The following TCF12 variants were observed in gnomAD, a reference collection of about 807,000 sequenced individuals.
The protein encoded by TCF12 is transcription factor 12.
In TCF12, 45 loss-of-function variants were observed where a neutral mutation model predicts 86.0. The ratio of observed to expected loss-of-function variants is 0.52; its 90% CI spans 0.41 to 0.67. TCF12 has a LOEUF of 0.67. Among genes scored for constraint, TCF12 ranks in the 30% least tolerant of loss-of-function variants. TCF12 has a pLI of 0.00. For missense variants in TCF12, 881 were observed against 859.9 expected (o/e 1.02, Z -0.31); for synonymous variants, 330 against 299.6 (o/e 1.10, Z -1.05).
intron 3 of TCF12, among the ~76,000 whole-genome samples, chr15:56,942,837 TA>T (rs1284946776): frequency 1.3e-5 from 2 of 152,182 alleles, no homozygotes; most frequent in African/African-American, 4.8e-5. Context: ...ATGAACGTAT[TA>T]TTTGCAGAGG....
At chr15:57,248,152 C>T (rs2059947058) in intron 13 of TCF12, 2 of 700,382 alleles carry the variant, frequency 2.9e-6, no homozygotes, top group Admixed American at 2.0e-5. Context: ...CCAGAAGCCT[C>T]TTAAACAGAT....
chr15:57,255,013 TTATC>T (rs1167550064), intron 16 of TCF12, among the ~76,000 whole-genome samples: 7 of 152,190 alleles, frequency 4.6e-5, no homozygotes, highest in African/African-American at 1.7e-4. Flanking sequence ...GAAATACTAT[TTATC>T]CTTATTTAGA....
rs1360554568 is a variant in TCF12, at chr15:57,289,442, C to A, written c.*3297C>A. 1 of 152,160 alleles carries A rather than the reference C, an allele frequency of 6.6e-6. No individual in the cohort carries two copies. Among genetic ancestry groups the A allele is most frequent in the Non-Finnish European group, 1.5e-5 (1 of 68,036 alleles). The allele number at this position is 152,160 out of a possible 1,614,324, so 9.4% of individuals were successfully genotyped here. On this transcript the variant is annotated 3_prime_UTR_variant, in exon 21 of 21. Transcript: ENST00000333725. ...CAGATCAAGACACTTAAAACTTTCC[C>A]TACAAAACCTCCCTGCCTTGACTTT...
At chr15:57,205,457 G>GT (rs1196265671) in intron 8 of TCF12, among the ~76,000 whole-genome samples, 3 of 152,164 alleles carry the variant, frequency 2.0e-5, no homozygotes, top group Admixed American at 6.5e-5. Flanking sequence ...GTTAGAATAG[G>GT]TATTTGCTTA....
intron 3 of TCF12, among the ~76,000 whole-genome samples, chr15:57,049,599 T>A (rs1310885579): frequency 6.6e-6 from 1 of 152,216 alleles, no homozygotes; most frequent in Non-Finnish European, 1.5e-5. Context: ...CATCATACAT[T>A]TATCCCCTTG....
chr15:57,189,271 AC>A (rs1419616070), intron 6 of TCF12, among the ~76,000 whole-genome samples: 5 of 152,244 alleles, frequency 3.3e-5, no homozygotes, highest in African/African-American at 1.2e-4. Context: ...AAACTTCTGT[AC>A]ATCAAAGGAC....
At chr15:57,065,954 C>A (rs1477623421) in intron 4 of TCF12, among the ~76,000 whole-genome samples, 2 of 151,954 alleles carry the variant, frequency 1.3e-5, no homozygotes, top group Non-Finnish European at 2.9e-5. Flanking sequence ...TTAATGCTAC[C>A]CTTCTTTATT....
chr15:57,175,801 A>G (rs904694984), intron 6 of TCF12, among the ~76,000 whole-genome samples: 4 of 152,204 alleles, frequency 2.6e-5, no homozygotes, highest in Admixed American at 1.3e-4. Flanking sequence ...TTGAAGCATA[A>G]TTCGACTTTT....
chr15:56,976,569 A>G (rs1269722691), intron 3 of TCF12, among the ~76,000 whole-genome samples: 1 of 152,038 alleles, frequency 6.6e-6, no homozygotes, highest in Non-Finnish European at 1.5e-5. Context: ...ATAAAATTAT[A>G]ATGTTACAAA....
At chr15:56,995,478 C>T (rs772174386) in intron 3 of TCF12, among the ~76,000 whole-genome samples, 1 of 151,436 alleles carries the variant, frequency 6.6e-6, no homozygotes, top group Non-Finnish European at 1.5e-5. Context: ...GTGTCATCTC[C>T]GATTTTCTTT....
intron 6 of TCF12, among the ~76,000 whole-genome samples, chr15:57,187,644 A>G (rs543374497): frequency 5.3e-5 from 8 of 152,270 alleles, no homozygotes; most frequent in Admixed American, 2.6e-4. Context: ...TTCTAAACAG[A>G]TTAGTGGCTG....
intron 6 of TCF12, among the ~76,000 whole-genome samples, chr15:57,181,358 G>A (rs1216796054): frequency 6.6e-6 from 1 of 152,046 alleles, no homozygotes; most frequent in Non-Finnish European, 1.5e-5. Flanking sequence ...CCAAGTAGCT[G>A]TAACTACAGG....
intron 5 of TCF12, among the ~76,000 whole-genome samples, chr15:57,105,210 C>T (rs144790912): frequency 4.4e-4 from 67 of 152,076 alleles, no homozygotes; most frequent in African/African-American, 1.6e-3. Context: ...TGTGTATATG[C>T]TGTTTAGCTT....
intron 5 of TCF12, among the ~76,000 whole-genome samples, chr15:57,114,803 T>C (rs1171387535): frequency 6.6e-6 from 1 of 152,230 alleles, no homozygotes; most frequent in East Asian, 1.9e-4. Flanking sequence ...TTTAAGTTGT[T>C]GTATATCTTT....
intron 3 of TCF12, among the ~76,000 whole-genome samples, chr15:57,057,483 T>G (rs1295588162): frequency 6.6e-6 from 1 of 152,246 alleles, no homozygotes; most frequent in African/African-American, 2.4e-5. Flanking sequence ...CTTTCAAGTT[T>G]ATATTTTCAT....
At chr15:57,074,091 T>C (rs545412966) in intron 4 of TCF12, among the ~76,000 whole-genome samples, 1 of 152,186 alleles carries the variant, frequency 6.6e-6, no homozygotes, top group African/African-American at 2.4e-5. Context: ...TTACTTCTTA[T>C]AAAAGCAGTA....
chr15:57,060,975 T>A (rs893590552), intron 3 of TCF12, among the ~76,000 whole-genome samples: 1 of 152,076 alleles, frequency 6.6e-6, no homozygotes, highest in African/African-American at 2.4e-5. Flanking sequence ...TTACTCAGAG[T>A]CTGGATATGT....
chr15:57,047,131 ACTGT>A (rs1309857837), intron 3 of TCF12, among the ~76,000 whole-genome samples: 58 of 152,370 alleles, frequency 3.8e-4, no homozygotes, highest in African/African-American at 1.4e-3. Flanking sequence ...TTAAGGAAAT[ACTGT>A]CACCTATAAG....
At chr15:56,919,834 T>C in intron 1 of TCF12, 58 bp from the exon 2 acceptor site, 1 of 1,486,644 alleles carries the variant, frequency 6.7e-7, no homozygotes, top group Non-Finnish European at 9.3e-7. Flanking sequence ...CTCTCTCTGT[T>C]CCCTCACACA....
Sources: allele counts gnomAD v4.1 joint callset (sites outside exome capture counted in the v4.1 genomes callset), GRCh38; gene constraint gnomAD v4.1.1; transcripts MANE v1.5; gene names NCBI Gene and HGNC (gene_info 2026-07-23, HGNC 2026-07-21).